The following PACSIN2 variants were observed in gnomAD, a reference collection of about 807,000 sequenced individuals.
PACSIN2 encodes protein kinase C and casein kinase substrate in neurons 2, also known as protein kinase C and casein kinase substrate in neurons protein 2.
A neutral mutation model predicts 63.8 loss-of-function variants in PACSIN2; 25 were observed. The ratio of observed to expected loss-of-function variants is 0.39; its 90% CI spans 0.29 to 0.55. The LOEUF is 0.55. Ranked by LOEUF, PACSIN2 falls within the 20% of genes least tolerant of loss-of-function variation. The pLI is 0.62. For synonymous variants in PACSIN2, 255 were observed against 256.2 expected, an observed-to-expected ratio of 1.00 and a Z score of 0.05; for missense variants, 518 against 646.9, an observed-to-expected ratio of 0.80 and a Z score of 2.16.
chr22:42,915,043 T>G (rs1049043211), intron 1 of PACSIN2, among the ~76,000 whole-genome samples: 5 of 151,862 alleles, frequency 3.3e-5, no homozygotes, highest in African/African-American at 1.2e-4. Flanking sequence ...AAAAAAAAAA[T>G]TTATGTGTGG....
intron 6 of PACSIN2, 132 bp from the exon 7 acceptor site, chr22:42,882,436 A>C: frequency 1.0e-6 from 1 of 991,282 alleles, no homozygotes; most frequent in Non-Finnish European, 1.5e-6. Context: ...GAGCCAGAAC[A>C]CTCCTCCCTT....
intron 1 of PACSIN2, chr22:42,946,786 G>A (rs1464206012): frequency 6.6e-6 from 1 of 152,332 alleles, no homozygotes; most frequent in African/African-American, 2.4e-5. Flanking sequence ...CACTTCCCTC[G>A]CTTCTGGTGT....
intron 1 of PACSIN2, among the ~76,000 whole-genome samples, chr22:43,012,437 T>G (rs1029887125): frequency 6.6e-6 from 1 of 152,110 alleles, no homozygotes; most frequent in East Asian, 1.9e-4. Flanking sequence ...TGCAGAATGC[T>G]ATGTTGGTGG....
At position 42,887,836 on chromosome 22, in the gene PACSIN2, C is replaced by T. The variant is rs114817520; in HGVS notation, c.609+807G>A. On this transcript the variant is annotated intron_variant, in intron 5 of 10. Coordinates refer to ENST00000263246, the MANE Select transcript of PACSIN2 (RefSeq NM_001184970.3). ...ATTAACCCATGGGGCAGAAAATCTC[C>T]GCTTCACAACAGAAATGGAAGGGCA... is the stretch of plus-strand genomic sequence containing the variant. Among the ~76,000 whole-genome samples the T allele has an allele frequency of 2.2e-3, 332 of 152,272 alleles. 2 individuals are homozygous for T. Among genetic ancestry groups the T allele is most frequent in the African/African-American group, 7.7e-3 (318 of 41,544 alleles).
intron 1 of PACSIN2, among the ~76,000 whole-genome samples, chr22:43,011,077 T>A (rs2146932399): frequency 6.6e-6 from 1 of 152,292 alleles, no homozygotes; most frequent in South Asian, 2.1e-4. Context: ...TCTGCAGAAA[T>A]TCCTACAAAA....
chr22:42,988,868 T>TTC (rs1922811759), intron 1 of PACSIN2, among the ~76,000 whole-genome samples: 2 of 140,100 alleles, frequency 1.4e-5, no homozygotes, highest in Admixed American at 7.7e-5. Flanking sequence ...ATCCATGATC[T>TTC]GAAAGGTGGT....
intron 2 of PACSIN2, among the ~76,000 whole-genome samples, chr22:42,899,051 C>A (rs1930487652): frequency 6.6e-6 from 1 of 152,184 alleles, no homozygotes; most frequent in African/African-American, 2.4e-5. Flanking sequence ...GCTGTGCAGA[C>A]ACAGGACCAT....
chr22:43,005,575 A>G (rs1293292346), intron 1 of PACSIN2, among the ~76,000 whole-genome samples: 3 of 152,218 alleles, frequency 2.0e-5, no homozygotes, highest in Non-Finnish European at 2.9e-5. Flanking sequence ...ACCTGCGACT[A>G]CACCCGTGAC....
At chr22:42,882,095 G>A (rs1431289617) in intron 7 of PACSIN2, 89 bp downstream of exon 7, 1 of 1,451,776 alleles carries the variant, frequency 6.9e-7, no homozygotes, top group Admixed American at 1.7e-5. Flanking sequence ...CTAACATAGA[G>A]TCTAGAATGA....
intron 1 of PACSIN2, among the ~76,000 whole-genome samples, chr22:42,972,211 A>G (rs185310075): frequency 7.2e-5 from 11 of 152,340 alleles, no homozygotes; most frequent in African/African-American, 1.7e-4. Flanking sequence ...CTTGCCCCCA[A>G]TCCCGTGCTC....
intron 1 of PACSIN2, among the ~76,000 whole-genome samples, chr22:42,971,228 GGC>G (rs1178179574): frequency 6.6e-6 from 1 of 152,224 alleles, no homozygotes; most frequent in Non-Finnish European, 1.5e-5. Flanking sequence ...TGGGATTGCA[GGC>G]GCGCGCCGCC....
chr22:42,992,685 CT>C (rs773334977), intron 1 of PACSIN2, among the ~76,000 whole-genome samples: 9 of 152,192 alleles, frequency 5.9e-5, no homozygotes, highest in Non-Finnish European at 1.3e-4. Flanking sequence ...GACATAGCAT[CT>C]TCATTTGTGA....
At chr22:42,919,005 C>CG (rs1931988879) in intron 1 of PACSIN2, among the ~76,000 whole-genome samples, 1 of 152,180 alleles carries the variant, frequency 6.6e-6, no homozygotes, top group Non-Finnish European at 1.5e-5. Context: ...TTCATTCTTC[C>CG]AGGTTGAGCC....
intron 1 of PACSIN2, among the ~76,000 whole-genome samples, chr22:42,959,320 G>A (rs1293311074): frequency 1.3e-5 from 2 of 152,132 alleles, no homozygotes; most frequent in Non-Finnish European, 1.5e-5. Context: ...AAACATTAAC[G>A]CCTTAAAGTA....
At chr22:42,921,831 C>T (rs1319804752) in intron 1 of PACSIN2, among the ~76,000 whole-genome samples, 18 of 152,032 alleles carry the variant, frequency 1.2e-4, no homozygotes, top group Admixed American at 2.6e-4. Flanking sequence ...CTCCGTCTCC[C>T]GGGTTCAGGC....
rs1432142763 is a variant in PACSIN2 at position 42,884,368 on chromosome 22, A to G, written c.785+18T>C. On this transcript the variant is annotated intron_variant, in intron 6 of 10. Transcript: ENST00000263246. ...TTGACTTCAATGACGTGTGTGTTTT[A>G]GCTCAAAGGAAACTTACCCAGCCAC... 1 of 1,604,026 alleles carries G rather than the reference A, an allele frequency of 6.2e-7. No individual in the cohort carries two copies. Among genetic ancestry groups the G allele is most frequent in the African/African-American group, 1.3e-5 (1 of 74,522 alleles).
At chr22:42,893,985 C>G (rs1014657919) in intron 2 of PACSIN2, among the ~76,000 whole-genome samples, 2 of 152,142 alleles carry the variant, frequency 1.3e-5, no homozygotes, top group African/African-American at 4.8e-5. Context: ...TAGGTGACAT[C>G]TAACCAAAGC....
chr22:42,987,888 C>T (rs1291185419), intron 1 of PACSIN2, among the ~76,000 whole-genome samples: 2 of 151,936 alleles, frequency 1.3e-5, no homozygotes, highest in African/African-American at 4.8e-5. Flanking sequence ...TGTCTGTAAT[C>T]CCAGCACTTT....
Position 42,891,073 on chromosome 22 carries a change from G to A in PACSIN2, c.327C>T (p.Phe109=), listed in dbSNP as rs762275619. Reference sequence around the variant, plus strand: ...CCTTCTGCCAGTTCTTGATCTTCTCGAAGTCATCGTTCATCAGTGAGGCCT... The same window carrying A: ...CCTTCTGCCAGTTCTTGATCTTCTCAAAGTCATCGTTCATCAGTGAGGCCT... ...EVKASLMNDD[F]EKIKNWQKEA... is the part of the protein sequence containing the mutation. The change falls in exon 4 of 11, where the codon TTC becomes TTT. Residue 109 remains phenylalanine, a synonymous_variant. Coordinates refer to ENST00000263246, the MANE Select transcript of PACSIN2 (RefSeq NM_001184970.3). The A allele has an allele frequency of 2.9e-5, 47 of 1,613,990 alleles. No homozygotes were observed. Among genetic ancestry groups the A allele is most frequent in the Non-Finnish European group, 3.4e-5 (40 of 1,180,014 alleles).
Sources: allele counts gnomAD v4.1 joint callset (sites outside exome capture counted in the v4.1 genomes callset), GRCh38; gene constraint gnomAD v4.1.1; transcripts MANE v1.5; gene names NCBI Gene and HGNC (gene_info 2026-07-23, HGNC 2026-07-21).